Variants in LIMA1 observed in about 807,000 individuals in gnomAD.
LIMA1 encodes LIM domain and actin-binding protein 1.
A neutral mutation model predicts 62.6 loss-of-function variants in LIMA1; 52 were observed. The observed-to-expected ratio is 0.83, with a 90% CI of 0.67 to 1.05. The LOEUF is 1.05. Among genes scored for constraint, LIMA1 ranks in the 50% least tolerant of loss-of-function variants. LIMA1 has a pLI of 0.00. For missense variants in LIMA1, 780 were observed against 902.2 expected (o/e 0.86, Z 1.74); for synonymous variants, 302 against 317.8 (o/e 0.95, Z 0.53).
intron 2 of LIMA1, among the ~76,000 whole-genome samples, chr12:50,245,056 G>A (rs1039261588): frequency 1.3e-5 from 2 of 152,168 alleles, no homozygotes; most frequent in African/African-American, 4.8e-5. Context: ...TGAGTGATAG[G>A]TTGAGACGGG....
At chr12:50,189,535 A>C (rs1443576221) in intron 9 of LIMA1, 2 of 152,240 alleles carry the variant, frequency 1.3e-5, no homozygotes, top group Non-Finnish European at 2.9e-5. Context: ...ACACTAAAGA[A>C]GTGTGGGTAA....
At chr12:50,276,191 T>C (rs1312982211) in intron 1 of LIMA1, among the ~76,000 whole-genome samples, 1 of 152,120 alleles carries the variant, frequency 6.6e-6, no homozygotes. Context: ...GAATCTGAAT[T>C]AGAAGACTGA....
chr12:50,181,693 T>C (rs1409276002), intron 10 of LIMA1, among the ~76,000 whole-genome samples: 1 of 152,220 alleles, frequency 6.6e-6, no homozygotes, highest in Non-Finnish European at 1.5e-5. Flanking sequence ...GGTCCTAACA[T>C]GTAAATTAAC....
intron 4 of LIMA1, among the ~76,000 whole-genome samples, chr12:50,218,541 C>T (rs374336209): frequency 7.2e-5 from 11 of 152,294 alleles, no homozygotes; most frequent in South Asian, 2.1e-4. Context: ...CTTCCCATGG[C>T]GTGCTTCTTC....
At position 50,192,555 on chromosome 12, in the gene LIMA1, G is replaced by A. The variant is rs546709408; in HGVS notation, c.1037C>T (p.Ser346Phe). 10 of 1,609,944 alleles carry A rather than the reference G, an allele frequency of 6.2e-6. No homozygotes were observed. In the Admixed American group the frequency reaches 1.5e-4, roughly 24 times the overall value. ...STPAEDDSRD[S>F]QVKSEVQQPV... Reference sequence around the variant, plus strand: ...CTGTTGAACCTCACTCTTAACCTGGGAGTCACCTGCTTGAGTTACAAAAGG... The same window carrying A: ...CTGTTGAACCTCACTCTTAACCTGGAAGTCACCTGCTTGAGTTACAAAAGG... The change falls in exon 9 of 11, where the codon TCC becomes TTC. Residue 346 changes from serine to phenylalanine, a missense_variant. Ser to Phe is a radical substitution (Grantham distance 155). Coordinates refer to ENST00000341247, the MANE Select transcript of LIMA1 (RefSeq NM_016357.5).
In LIMA1 at chr12:50,227,237, C is replaced by CTTTTT; in HGVS notation, c.165+4423_165+4427dup. Among the ~76,000 whole-genome samples, 418 of 123,894 alleles carry CTTTTT rather than the reference C, an allele frequency of 3.4e-3. 2 individuals are homozygous for CTTTTT. The highest frequency in any genetic ancestry group is 4.6e-3 in the Non-Finnish European group (281 of 60,564). 81.3% of individuals were successfully genotyped at this position (123,894 alleles called of 152,430 possible). On this transcript the variant is annotated intron_variant, in intron 3 of 10. Coordinates refer to ENST00000341247, the MANE Select transcript of LIMA1 (RefSeq NM_016357.5). ...AAGTCTTCACTTTCTTTTTTCTTTT[C>CTTTTT]TTTTTTTTTTTTTTTTTTTGAGATG...
At chr12:50,226,073 T>C (rs553655465) in intron 3 of LIMA1, among the ~76,000 whole-genome samples, 1 of 152,170 alleles carries the variant, frequency 6.6e-6, no homozygotes, top group South Asian at 2.1e-4. Context: ...TTGAGACAGG[T>C]TCTTGCTCTA....
rs1004987478 is a variant in LIMA1 at position 50,250,594 on chromosome 12, G to A, written c.-23-1820C>T. The stretch of plus-strand genomic sequence containing the variant: ...AAAAAAAAAAAAAAAAAAAAGTCCC[G>A]TGATGCAGAATAAGCAATGGACAAT... On this transcript the variant is annotated intron_variant, in intron 1 of 10. Coordinates refer to ENST00000341247, the MANE Select transcript of LIMA1 (RefSeq NM_016357.5). Among the ~76,000 whole-genome samples, 4 of 142,374 alleles carry A rather than the reference G, an allele frequency of 2.8e-5. No individual in the cohort carries two copies. The South Asian group carries it at 6.5e-4, about 23-fold the overall frequency. The allele number at this position is 142,374 out of a possible 152,430, so 93.4% of individuals were successfully genotyped here.
At chr12:50,236,748 A>G (rs1264809429) in intron 2 of LIMA1, among the ~76,000 whole-genome samples, 3 of 151,976 alleles carry the variant, frequency 2.0e-5, no homozygotes, top group South Asian at 2.1e-4. Context: ...ACACACACAC[A>G]CACACACGCA....
chr12:50,266,325 G>A (rs1217632840), intron 1 of LIMA1, among the ~76,000 whole-genome samples: 1 of 152,176 alleles, frequency 6.6e-6, no homozygotes, highest in East Asian at 1.9e-4. Flanking sequence ...TGAGAAAACT[G>A]AGGCACAGAG....
rs146966594 is a variant in LIMA1, at chr12:50,181,944, T to A, written c.1234A>T (p.Ile412Phe). 1.9e-6 allele frequency: 3 copies of A among 1,614,012 alleles called. No individual in the cohort carries two copies. The highest frequency in any genetic ancestry group is 2.5e-6 in the Non-Finnish European group (3 of 1,180,020). The change falls in exon 10 of 11, where the codon ATC becomes TTC. Residue 412 changes from isoleucine (I) to phenylalanine (F), a missense_variant. By Grantham distance (21) the Ile-to-Phe change is conservative. Transcript: ENST00000341247. ...CAATAGGAGCAACGGAAGCAGCTGA[T>A]GTGAAACACCTGCTGGTTGGCCAAG... ...RLLANQQVFHISCFRCSYCNN... is the reference protein window; with the variant it reads ...RLLANQQVFHFSCFRCSYCNN...
chr12:50,192,978 C>CTGTG lies in LIMA1; in HGVS notation c.1031-421_1031-418dup, dbSNP rs558118348. Among the ~76,000 whole-genome samples the CTGTG allele has an allele frequency of 7.0e-3, 1,011 of 145,204 alleles. 9 individuals are homozygous for CTGTG. Among genetic ancestry groups the CTGTG allele is most frequent in the African/African-American group, 0.023 (903 of 39,112 alleles). Reference sequence around the variant, plus strand: ...GATGTGAGGGCAGAAATTTTGTACTCTGTGTGTGTGTGTGTGTGTGTGTGT... The same window carrying CTGTG: ...GATGTGAGGGCAGAAATTTTGTACTCTGTGTGTGTGTGTGTGTGTGTGTGTGTGT... On this transcript the variant is annotated intron_variant, in intron 8 of 10. Transcript: ENST00000341247.
At chr12:50,227,742 AG>A (rs960127547) in intron 3 of LIMA1, among the ~76,000 whole-genome samples, 4 of 151,990 alleles carry the variant, frequency 2.6e-5, no homozygotes, top group African/African-American at 4.8e-5. Context: ...TTTAGGGTTG[AG>A]TCAGGCACTG....
In LIMA1 at chr12:50,180,389, C is replaced by T. The variant is rs188275871; in HGVS notation, c.1274+1515G>A. ...ACTCAGGAGACTGAGGCATGAGAAT[C>T]GCTTGAACCTGGGAGACAAAGGTTG... On this transcript the variant is annotated intron_variant, in intron 10 of 10. Transcript: ENST00000341247. Among the ~76,000 whole-genome samples, 189 of 151,310 alleles carry T rather than the reference C, an allele frequency of 1.2e-3. 2 individuals carry two copies. The highest frequency in any genetic ancestry group is 4.0e-3 in the South Asian group (19 of 4,748).
At position 50,195,754 on chromosome 12, in the gene LIMA1, T is replaced by C. The variant is rs1453340621; in HGVS notation, c.1030+76A>G. ...TATGTTATTTTCTCAGCACTGACAG[T>C]AATGGGAACACCCCTGAACCAAATA... is the stretch of plus-strand genomic sequence containing the variant. On this transcript the variant is annotated intron_variant, in intron 8 of 10. Coordinates refer to ENST00000341247, the MANE Select transcript of LIMA1 (RefSeq NM_016357.5). The C allele has an allele frequency of 5.0e-6, 7 of 1,410,622 alleles. No homozygotes were observed. The African/African-American group carries it at 1.0e-4, about 21-fold the overall frequency. The allele number at this position is 1,410,622 out of a possible 1,614,324, so 87.4% of individuals were successfully genotyped here.
At chr12:50,259,839 C>A (rs1942042804) in intron 1 of LIMA1, among the ~76,000 whole-genome samples, 1 of 152,184 alleles carries the variant, frequency 6.6e-6, no homozygotes, top group Admixed American at 6.5e-5. Context: ...GACAGACTCA[C>A]TTCAATAATA....
intron 8 of LIMA1, among the ~76,000 whole-genome samples, chr12:50,193,542 T>C (rs1487140327): frequency 7.2e-6 from 1 of 138,142 alleles, no homozygotes; most frequent in Non-Finnish European, 1.5e-5. Context: ...ATGATATATA[T>C]ATACATATAT....
intron 10 of LIMA1, among the ~76,000 whole-genome samples, chr12:50,180,960 A>C (rs940097091): frequency 4.0e-5 from 6 of 151,700 alleles, no homozygotes; most frequent in Non-Finnish European, 8.8e-5. Flanking sequence ...AAAATACAAA[A>C]AATTAGCTGG....
intron 7 of LIMA1, among the ~76,000 whole-genome samples, chr12:50,199,787 T>C (rs941774481): frequency 1.8e-4 from 27 of 152,234 alleles, no homozygotes; most frequent in African/African-American, 6.5e-4. Flanking sequence ...TAAGAATATA[T>C]GAGTATCTGA....
Sources: gnomAD v4.1 joint callset for allele counts (sites outside exome capture counted in the v4.1 genomes callset) on GRCh38, gnomAD v4.1.1 for gene constraint, MANE v1.5 for transcripts, NCBI Gene and HGNC (gene_info 2026-07-23, HGNC 2026-07-21) for gene names.